Variants in NUP210L observed in about 807,000 individuals in gnomAD.
NUP210L encodes nucleoporin 210 like, also known as nuclear pore membrane glycoprotein 210-like.
A neutral mutation model predicts 208.5 loss-of-function variants in NUP210L; 74 were observed. The observed-to-expected ratio is 0.35, with a 90% CI of 0.29 to 0.43. NUP210L has a LOEUF of 0.43. Ranked by LOEUF, NUP210L falls within the 20% of genes least tolerant of loss-of-function variation. The probability of loss-of-function intolerance (pLI) is 1.00; values close to 1 mark genes in which losing one functional copy is unlikely to be tolerated. For synonymous variants in NUP210L, 780 were observed against 816.9 expected (o/e 0.95, Z 0.77); for missense variants, 1,843 against 2,289.4 (o/e 0.81, Z 3.98).
intron 13 of NUP210L, among the ~76,000 whole-genome samples, chr1:154,102,487 G>C (rs1449415374): frequency 2.6e-5 from 4 of 152,058 alleles, no homozygotes; most frequent in Non-Finnish European, 4.4e-5. Flanking sequence ...GGAGGGGAAA[G>C]ATCACTTGAA....
chr1:154,050,726 T>C (rs1218967212), intron 25 of NUP210L, among the ~76,000 whole-genome samples: 2 of 152,210 alleles, frequency 1.3e-5, no homozygotes, highest in East Asian at 1.9e-4. Context: ...TTCTCAATAA[T>C]CATTTTCCTG....
chr1:154,057,035 G>C, intron 22 of NUP210L, 88 bp from the exon 23 acceptor site: 1 of 1,326,340 alleles, frequency 7.5e-7, no homozygotes. Context: ...CTGGAGTGCA[G>C]TGGCATGATC....
chr1:154,055,951 C>T (rs1439459548), intron 23 of NUP210L, among the ~76,000 whole-genome samples: 2 of 152,108 alleles, frequency 1.3e-5, no homozygotes, highest in Non-Finnish European at 2.9e-5. Context: ...CCCAGCTACT[C>T]AGGAGGCTGA....
At chr1:154,046,185 T>C (rs767904450) in exon 27 of NUP210L, 14 of 1,614,084 alleles carry the variant, frequency 8.7e-6, no homozygotes, top group Non-Finnish European at 1.1e-5. Flanking sequence ...GTTACTCCCA[T>C]GACATAAACT....
At chr1:154,053,994 T>A (rs565286895) in intron 25 of NUP210L, among the ~76,000 whole-genome samples, 19 of 152,348 alleles carry the variant, frequency 1.2e-4, no homozygotes, top group African/African-American at 4.3e-4. Context: ...GTTTTTCTCT[T>A]CTTCAAAGCA....
chr1:154,122,962 G>C (rs1458906478), intron 10 of NUP210L, among the ~76,000 whole-genome samples: 1 of 150,210 alleles, frequency 6.7e-6, no homozygotes, highest in Non-Finnish European at 1.5e-5. Context: ...GAGGTAGGAG[G>C]ATCACTTGGG....
At chr1:154,002,796 G>T (rs993641543) in intron 35 of NUP210L, among the ~76,000 whole-genome samples, 3 of 151,986 alleles carry the variant, frequency 2.0e-5, no homozygotes, top group Admixed American at 6.6e-5. Flanking sequence ...ACATGTCAGG[G>T]AATATTAAAT....
chr1:154,046,024 A>G (rs1653155375), intron 27 of NUP210L, 45 bp downstream of exon 27: 1 of 1,523,580 alleles, frequency 6.6e-7, no homozygotes, highest in South Asian at 1.3e-5. Context: ...AATAAATTTA[A>G]TATCAAGATC....
chr1:154,069,646 T>C (rs1489606171), intron 17 of NUP210L, among the ~76,000 whole-genome samples: 1 of 152,226 alleles, frequency 6.6e-6, no homozygotes, highest in Non-Finnish European at 1.5e-5. Context: ...AGTGTGGCGA[T>C]TCCTCAAGGA....
At chr1:154,022,888 G>A (rs749878897) in intron 31 of NUP210L, among the ~76,000 whole-genome samples, 1 of 151,254 alleles carries the variant, frequency 6.6e-6, no homozygotes, top group African/African-American at 2.4e-5. Flanking sequence ...TGTTGTCCAG[G>A]CTGGTCTCGA....
chr1:154,034,120 A>G (rs1652403009), intron 27 of NUP210L, among the ~76,000 whole-genome samples: 1 of 152,044 alleles, frequency 6.6e-6, no homozygotes, highest in Admixed American at 6.6e-5. Flanking sequence ...AATGTTCATC[A>G]GAGATCTTAG....
chr1:154,075,443 A>G (rs1426358298), intron 16 of NUP210L, among the ~76,000 whole-genome samples: 1 of 152,086 alleles, frequency 6.6e-6, no homozygotes, highest in Non-Finnish European at 1.5e-5. Flanking sequence ...TACCAGGAAC[A>G]CAAATAAATA....
intron 2 of NUP210L, among the ~76,000 whole-genome samples, chr1:154,144,628 G>T (rs896905748): frequency 7.9e-5 from 12 of 152,152 alleles, no homozygotes; most frequent in Non-Finnish European, 1.5e-4. Flanking sequence ...TACCACATTT[G>T]CCATGTATTT....
chr1:154,007,635 C>T (rs1452532746), intron 35 of NUP210L, among the ~76,000 whole-genome samples: 3 of 151,814 alleles, frequency 2.0e-5, no homozygotes, highest in Non-Finnish European at 1.5e-5. Context: ...TGCAGTGGCG[C>T]GATCTCGGCT....
intron 32 of NUP210L, among the ~76,000 whole-genome samples, chr1:154,021,402 G>A (rs991451778): frequency 2.0e-5 from 3 of 151,856 alleles, no homozygotes; most frequent in East Asian, 3.9e-4. Context: ...CAGGAGACTC[G>A]CTTGAACCCA....
At chr1:154,136,006 C>T (rs767561234) in intron 6 of NUP210L, 34 bp from the exon 7 acceptor site, 2 of 1,449,156 alleles carry the variant, frequency 1.4e-6, no homozygotes, top group East Asian at 2.3e-5. Context: ...AATGTAATGA[C>T]AGCAGCCATT....
intron 11 of NUP210L, among the ~76,000 whole-genome samples, chr1:154,118,092 C>T (rs1312081694): frequency 1.3e-5 from 2 of 152,056 alleles, no homozygotes; most frequent in African/African-American, 4.8e-5. Flanking sequence ...GGTGGATTAC[C>T]TGACGTCAGA....
chr1:154,008,860 G>A (rs1324854629), intron 35 of NUP210L, among the ~76,000 whole-genome samples: 1 of 152,024 alleles, frequency 6.6e-6, no homozygotes, highest in Admixed American at 6.6e-5. Flanking sequence ...CAGACTGCCT[G>A]ATCTAGCATT....
chr1:154,121,469 T>C (rs576658196), intron 10 of NUP210L, among the ~76,000 whole-genome samples: 1 of 152,264 alleles, frequency 6.6e-6, no homozygotes, highest in South Asian at 2.1e-4. Flanking sequence ...GTATACATTG[T>C]CTTAGGATTG....
Sources: gnomAD v4.1 joint callset for allele counts (sites outside exome capture counted in the v4.1 genomes callset) on GRCh38, gnomAD v4.1.1 for gene constraint, MANE v1.5 for transcripts, NCBI Gene and HGNC (gene_info 2026-07-23, HGNC 2026-07-21) for gene names.